GRM5: variants seen among roughly 807,000 people sequenced by gnomAD.
The protein encoded by GRM5 is glutamate metabotropic receptor 5.
A neutral mutation model predicts 83.1 loss-of-function variants in GRM5; 19 were observed. The ratio of observed to expected loss-of-function variants is 0.23; its 90% confidence interval spans 0.16 to 0.34. The LOEUF (loss-of-function observed/expected upper bound fraction) is 0.34, where lower values mean the gene tolerates loss of function less well. Among genes scored for constraint, GRM5 ranks in the 10% least tolerant of loss-of-function variants. The pLI is 1.00. For synonymous variants in GRM5, 675 were observed against 633.6 expected (o/e 1.07, Z -0.98); for missense variants, 1,160 against 1,588.3 (o/e 0.73, Z 4.58).
At chr11:88,935,788 T>A (rs1444232249) in intron 2 of GRM5, among the ~76,000 whole-genome samples, 2 of 151,972 alleles carry the variant, frequency 1.3e-5, no homozygotes, top group Non-Finnish European at 2.9e-5. Context: ...GTTGTTCATA[T>A]ATTATTTCCC....
chr11:88,569,932 G>A (rs1942951581), intron 7 of GRM5, among the ~76,000 whole-genome samples: 1 of 152,088 alleles, frequency 6.6e-6, no homozygotes, highest in South Asian at 2.1e-4. Flanking sequence ...AGGTAGGGGA[G>A]GCAACAACAA....
At chr11:88,565,798 G>T (rs1054418377) in intron 8 of GRM5, among the ~76,000 whole-genome samples, 3 of 152,178 alleles carry the variant, frequency 2.0e-5, no homozygotes, top group Non-Finnish European at 2.9e-5. Context: ...CGTAGAAAGA[G>T]ATGAGAAGTG....
rs540698946 is a variant in GRM5, at chr11:88,535,170, A to G, written c.2631-9766T>C. Among the ~76,000 whole-genome samples, 17 of 152,220 alleles carry G rather than the reference A, an allele frequency of 1.1e-4. 1 individual carries two copies. The South Asian group carries it at 3.5e-3, about 32-fold the overall frequency. ...TTTAAGATATTTGCCTTTCCTTTGC[A>G]TTGTCACATTCTTCTTAACAAGCCA... On this transcript the variant is annotated intron_variant, in intron 8 of 9. Coordinates refer to ENST00000305447, the MANE Select transcript of GRM5 (RefSeq NM_001143831.3).
chr11:88,514,160 C>A (rs950369909), intron 9 of GRM5, among the ~76,000 whole-genome samples: 13 of 152,102 alleles, frequency 8.5e-5, no homozygotes, highest in African/African-American at 3.1e-4. Flanking sequence ...CTTCCAGGCA[C>A]CATTTAACCC....
intron 4 of GRM5, among the ~76,000 whole-genome samples, chr11:88,624,721 C>G (rs888954319): frequency 3.9e-5 from 6 of 152,074 alleles, no homozygotes; most frequent in Non-Finnish European, 7.4e-5. Flanking sequence ...TCAAGGGAAC[C>G]CTTATTGCAG....
chr11:88,948,899 C>G (rs1367208023), intron 2 of GRM5, among the ~76,000 whole-genome samples: 1 of 152,028 alleles, frequency 6.6e-6, no homozygotes, highest in Admixed American at 6.6e-5. Flanking sequence ...AATACAAGAG[C>G]AGAAATGAAG....
chr11:88,833,821 A>G (rs923768211), intron 3 of GRM5, among the ~76,000 whole-genome samples: 5 of 152,190 alleles, frequency 3.3e-5, no homozygotes, highest in African/African-American at 1.2e-4. Flanking sequence ...TTTTAGCAAC[A>G]TGGATGAAAC....
At chr11:88,956,267 A>G (rs903501947) in intron 2 of GRM5, among the ~76,000 whole-genome samples, 2 of 152,258 alleles carry the variant, frequency 1.3e-5, no homozygotes, top group Admixed American at 1.3e-4. Context: ...ACAAAATTCC[A>G]AAGTAGAGCA....
intron 2 of GRM5, among the ~76,000 whole-genome samples, chr11:88,991,097 TG>T: frequency 6.6e-6 from 1 of 152,302 alleles, no homozygotes; most frequent in East Asian, 1.9e-4. Flanking sequence ...ACGACATGAT[TG>T]TGTATCTAGA....
intron 3 of GRM5, among the ~76,000 whole-genome samples, chr11:88,672,231 A>G (rs1435158648): frequency 6.6e-6 from 1 of 152,020 alleles, no homozygotes; most frequent in African/African-American, 2.4e-5. Context: ...TAATTCTTAG[A>G]AAATCCTTTT....
rs76799481 is a variant in GRM5 at position 88,575,809 on chromosome 11, T to C, written c.1691-7817A>G. Reference sequence around the variant, plus strand: ...ACAGCCATCCATTTGTCATTGGACCTAGCCTATTCCCCATCCTTCAAGGTT... The same window carrying C: ...ACAGCCATCCATTTGTCATTGGACCCAGCCTATTCCCCATCCTTCAAGGTT... On this transcript the variant is annotated intron_variant, in intron 7 of 9. Coordinates refer to ENST00000305447, the MANE Select transcript of GRM5 (RefSeq NM_001143831.3). Among the ~76,000 whole-genome samples, 724 of 152,340 alleles carry C rather than the reference T, an allele frequency of 4.8e-3. 16 individuals carry two copies. The East Asian group carries it at 0.053, about 11-fold the overall frequency.
At chr11:88,518,181 TA>T (rs1446117668) in intron 9 of GRM5, among the ~76,000 whole-genome samples, 6 of 151,904 alleles carry the variant, frequency 3.9e-5, no homozygotes, top group African/African-American at 1.4e-4. Context: ...TTTAATAATA[TA>T]AAAATAGAAT....
At chr11:88,886,943 C>G (rs145327412) in intron 2 of GRM5, among the ~76,000 whole-genome samples, 2,881 of 152,248 alleles carry the variant, frequency 0.019, 46 homozygotes, top group East Asian at 0.066. Context: ...GGGAGCATCT[C>G]TCTCTGCCCT....
chr11:88,878,365 C>A (rs1271879861), intron 2 of GRM5, among the ~76,000 whole-genome samples: 1 of 152,088 alleles, frequency 6.6e-6, no homozygotes, highest in Non-Finnish European at 1.5e-5. Flanking sequence ...GAGAAAAATT[C>A]ATTCTGAGAG....
At chr11:88,929,691 A>C (rs7128643) in intron 2 of GRM5, among the ~76,000 whole-genome samples, 3,347 of 152,238 alleles carry the variant, frequency 0.022, 120 homozygotes, top group African/African-American at 0.075. Context: ...TCATTTTTAA[A>C]ATAGGTAACA....
intron 2 of GRM5, among the ~76,000 whole-genome samples, chr11:88,921,496 G>T (rs1338669366): frequency 2.6e-5 from 4 of 152,232 alleles, no homozygotes; most frequent in Non-Finnish European, 5.9e-5. Flanking sequence ...TGGGCATGGT[G>T]GCGGGCACCT....
chr11:88,771,826 T>G (rs1942743344), intron 3 of GRM5, among the ~76,000 whole-genome samples: 1 of 152,172 alleles, frequency 6.6e-6, no homozygotes, highest in African/African-American at 2.4e-5. Flanking sequence ...TCAATAATTT[T>G]TATATAATCG....
At chr11:88,888,799 G>A (rs1322436762) in intron 2 of GRM5, among the ~76,000 whole-genome samples, 1 of 152,078 alleles carries the variant, frequency 6.6e-6, no homozygotes, top group African/African-American at 2.4e-5. Context: ...TTTCTGTATG[G>A]TTCTGTCCAA....
At chr11:89,042,628 T>C (rs1941559881) in intron 2 of GRM5, among the ~76,000 whole-genome samples, 1 of 152,180 alleles carries the variant, frequency 6.6e-6, no homozygotes, top group African/African-American at 2.4e-5. Flanking sequence ...TAAAAATTAT[T>C]CAGTAGCTTC....
Sources: gnomAD v4.1 joint callset for allele counts (sites outside exome capture counted in the v4.1 genomes callset) on GRCh38, gnomAD v4.1.1 for gene constraint, MANE v1.5 for transcripts, NCBI Gene and HGNC (gene_info 2026-07-23, HGNC 2026-07-21) for gene names.